Variants in OR1L8 observed in about 807,000 individuals in gnomAD.
OR1L8 encodes the protein olfactory receptor 1L8.
For synonymous variants in OR1L8, 148 were observed against 147.0 expected (o/e 1.01, Z -0.05); for missense variants, 330 against 377.4 (o/e 0.87, Z 1.04).
At chr9:122,553,909 C>T in the OR1L8 span, 4 of 1,614,044 alleles carry the variant, frequency 2.5e-6, 1 homozygote, top group South Asian at 4.4e-5. Context: ...GTCATCTCAT[C>T]TCCTGGAGGG....
At chr9:122,554,246 G>T in the OR1L8 span, 1 of 1,018,506 alleles carries the variant, frequency 9.8e-7, no homozygotes, top group Non-Finnish European at 1.4e-6. Flanking sequence ...CTGTCATGTT[G>T]ATATTAGGGG....
At chr9:122,576,497 G>A (rs10985710) in intron 3 of OR1L8, among the ~76,000 whole-genome samples, 38,776 of 151,686 alleles carry the variant, frequency 0.26, 5,416 homozygotes, top group African/African-American at 0.32. Context: ...GGCCTCCCAA[G>A]GTTCTGGGAT....
downstream of OR1L8, among the ~76,000 whole-genome samples, chr9:122,566,892 T>C (rs1829435909): frequency 6.6e-6 from 1 of 152,186 alleles, no homozygotes; most frequent in Non-Finnish European, 1.5e-5. Flanking sequence ...ATTTCCATGT[T>C]ATCCCTTGTG....
At chr9:122,559,235 T>G in the OR1L8 span, among the ~76,000 whole-genome samples, 1 of 152,174 alleles carries the variant, frequency 6.6e-6, no homozygotes, top group Non-Finnish European at 1.5e-5. Flanking sequence ...TAGTAACCAC[T>G]ATTTTACTCT....
chr9:122,578,961 A>C (rs1829703561), intron 1 of OR1L8, among the ~76,000 whole-genome samples: 1 of 125,594 alleles, frequency 8.0e-6, no homozygotes, highest in African/African-American at 3.0e-5. Context: ...AAAATTCTGA[A>C]AAATAAATCT....
chr9:122,546,745 G>T, the OR1L8 span, among the ~76,000 whole-genome samples: 1 of 152,124 alleles, frequency 6.6e-6, no homozygotes, highest in African/African-American at 2.4e-5. Flanking sequence ...AAGTACTTTT[G>T]TGTGTAAGAA....
the OR1L8 span, among the ~76,000 whole-genome samples, chr9:122,561,260 G>T: frequency 6.6e-6 from 1 of 152,114 alleles, no homozygotes; most frequent in Non-Finnish European, 1.5e-5. Context: ...AAGGTCCTTA[G>T]CTTCTTTGCA....
chr9:122,558,365 G>A, the OR1L8 span, among the ~76,000 whole-genome samples: 1 of 82,908 alleles, frequency 1.2e-5, no homozygotes, highest in Non-Finnish European at 2.2e-5. Context: ...TTCAACTGGT[G>A]TTTTATCTCT....
At position 122,583,324 on chromosome 9, in the gene OR1L8, CAAGAG is replaced by C. The variant is rs1829760848; in HGVS notation, c.-608_-604del. The C allele has an allele frequency of 6.6e-6, 1 of 151,608 alleles. No homozygotes were observed. Among genetic ancestry groups the C allele is most frequent in the African/African-American group, 2.4e-5 (1 of 41,294 alleles). The allele number at this position is 151,608 out of a possible 1,614,324, so 9.4% of individuals were successfully genotyped here. A position where few individuals can be genotyped will look rare whatever the true frequency, so the allele number is the denominator to read the frequency against. ...CAGTAAAATATGAGAAACTCACAGTCAAGAGAAGCCGAAGGAGACAGGATGACTGA... is the reference window on the plus strand; with the variant it reads ...CAGTAAAATATGAGAAACTCACAGTCAAGCCGAAGGAGACAGGATGACTGA... On this transcript the variant is annotated 5_prime_UTR_variant, in exon 1 of 5. Transcript: ENST00000641027.
the OR1L8 span, among the ~76,000 whole-genome samples, chr9:122,548,627 G>T: frequency 6.7e-6 from 1 of 150,124 alleles, no homozygotes; most frequent in Non-Finnish European, 1.5e-5. Context: ...AAGTTCTAGG[G>T]TATGTGTGCA....
chr9:122,579,694 AATT>A (rs1246053050), intron 1 of OR1L8, among the ~76,000 whole-genome samples: 1 of 152,196 alleles, frequency 6.6e-6, no homozygotes, highest in Admixed American at 6.5e-5. Context: ...ATGGTGTCAT[AATT>A]ATTTCAGGAT....
At chr9:122,579,324 T>C (rs1829709838) in intron 1 of OR1L8, among the ~76,000 whole-genome samples, 1 of 152,150 alleles carries the variant, frequency 6.6e-6, no homozygotes, top group Non-Finnish European at 1.5e-5. Context: ...TTGAATACAT[T>C]GTAATTGAAT....
chr9:122,567,981 C>A lies in OR1L8; in HGVS notation c.497G>T (p.Arg166Leu). 6.2e-7 allele frequency: 1 copy of A among 1,614,034 alleles called. No individual in the cohort carries two copies. Among genetic ancestry groups the A allele is most frequent in the East Asian group, 2.2e-5 (1 of 44,876 alleles). Residue 166 changes from arginine (R) to leucine (L), a missense_variant, in exon 5 of 5, where the codon CGT becomes CTT. Coordinates refer to ENST00000641027, the MANE Select transcript of OR1L8 (RefSeq NM_001004454.2). ...AACATTGGAGTCACAGAAGGTGAGA[C>A]GATTCAGCAGAAGTGTGTGCAGGAG... ...HSLLHTLLLN[R>L]LTFCDSNVIH...
At chr9:122,560,511 A>G in the OR1L8 span, among the ~76,000 whole-genome samples, 1 of 152,068 alleles carries the variant, frequency 6.6e-6, no homozygotes, top group Admixed American at 6.6e-5. Flanking sequence ...AGCTCTTGCA[A>G]GGCAGGCCTG....
At chr9:122,551,153 T>C in the OR1L8 span, among the ~76,000 whole-genome samples, 1 of 152,152 alleles carries the variant, frequency 6.6e-6, no homozygotes. Context: ...TCAATCCCAT[T>C]TACAATAGCT....
At chr9:122,557,281 A>G in the OR1L8 span, among the ~76,000 whole-genome samples, 4 of 151,822 alleles carry the variant, frequency 2.6e-5, no homozygotes, top group Non-Finnish European at 4.4e-5. Context: ...ATGAGGGGGG[A>G]CATTTTTTTG....
chr9:122,554,572 A>G, the OR1L8 span, among the ~76,000 whole-genome samples: 1 of 152,218 alleles, frequency 6.6e-6, no homozygotes, highest in East Asian at 1.9e-4. Flanking sequence ...TATTCCTTAC[A>G]TCAGTTACTT....
At chr9:122,559,662 ATTT>A in the OR1L8 span, among the ~76,000 whole-genome samples, 1,243 of 151,480 alleles carry the variant, frequency 8.2e-3, 16 homozygotes, top group African/African-American at 0.029. Flanking sequence ...TTGAGTTCTA[ATTT>A]GATTTCACTG....
Position 122,568,508 on chromosome 9 carries a change from T to C in OR1L8, c.-31A>G, listed in dbSNP as rs1332187307. On this transcript the variant is annotated 5_prime_UTR_variant, in exon 5 of 5. Transcript: ENST00000641027. The stretch of plus-strand genomic sequence containing the variant: ...TGGGCTCAGTTATAAACAAGAAGTT[T>C]TGTCATTTAACATGCTCTGATTTCA... 3 of 1,338,026 alleles carry C rather than the reference T, an allele frequency of 2.2e-6. No homozygotes were observed. In the African/African-American group the frequency reaches 4.4e-5, roughly 20 times the overall value. The allele number at this position is 1,338,026 out of a possible 1,614,324, so 82.9% of individuals were successfully genotyped here.
Sources: gnomAD v4.1 joint callset for allele counts (sites outside exome capture counted in the v4.1 genomes callset) on GRCh38, gnomAD v4.1.1 for gene constraint, MANE v1.5 for transcripts, NCBI Gene and HGNC (gene_info 2026-07-23, HGNC 2026-07-21) for gene names.